Variants in FHIT observed in about 807,000 individuals in gnomAD.
FHIT encodes bis(5'-adenosyl)-triphosphatase.
A neutral mutation model predicts 17.9 loss-of-function variants in FHIT; 19 were observed. The observed-to-expected ratio is 1.06, with a 90% CI of 0.74 to 1.56. The LOEUF is 1.56. Among genes scored for constraint, FHIT ranks in the 40% most tolerant of loss-of-function variants. The probability of loss-of-function intolerance (pLI) is 0.00; values close to 1 mark genes in which losing one functional copy is unlikely to be tolerated. For missense variants in FHIT, 248 were observed against 189.2 expected (o/e 1.31, Z -1.82); for synonymous variants, 81 against 69.7 (o/e 1.16, Z -0.81).
At chr3:61,043,535 G>C (rs996222065) in intron 2 of FHIT, among the ~76,000 whole-genome samples, 2 of 152,212 alleles carry the variant, frequency 1.3e-5, no homozygotes, top group African/African-American at 4.8e-5. Context: ...TGCCTCTGTA[G>C]TCTCCACCTC....
chr3:60,509,724 A>G (rs2034873302), intron 5 of FHIT, among the ~76,000 whole-genome samples: 1 of 152,224 alleles, frequency 6.6e-6, no homozygotes, highest in African/African-American at 2.4e-5. Context: ...CTGTGGCTAC[A>G]CTTGCAATCC....
intron 5 of FHIT, among the ~76,000 whole-genome samples, chr3:60,433,794 T>G (rs137903661): frequency 6.6e-6 from 1 of 152,262 alleles, no homozygotes; most frequent in South Asian, 2.1e-4. Flanking sequence ...TATTGAGTTA[T>G]AGGAATTCCT....
chr3:60,596,548 G>T (rs2038276586), intron 4 of FHIT, among the ~76,000 whole-genome samples: 1 of 152,024 alleles, frequency 6.6e-6, no homozygotes, highest in Non-Finnish European at 1.5e-5. Flanking sequence ...CAAGATTGAG[G>T]CTCCCGTTTG....
At chr3:60,239,390 C>A (rs1187667312) in intron 5 of FHIT, among the ~76,000 whole-genome samples, 1 of 152,004 alleles carries the variant, frequency 6.6e-6, no homozygotes, top group Admixed American at 6.6e-5. Context: ...CATAGGGGGA[C>A]CCCAGTCTTT....
At chr3:60,537,056 T>C (rs2036010790) in intron 4 of FHIT, 77 bp from the exon 5 acceptor site, 1 of 1,183,056 alleles carries the variant, frequency 8.5e-7, no homozygotes, top group Non-Finnish European at 1.2e-6. Context: ...AGAAAGCAAA[T>C]TCCATTACTA....
intron 5 of FHIT, among the ~76,000 whole-genome samples, chr3:60,189,755 T>C (rs1448447114): frequency 1.3e-5 from 2 of 152,244 alleles, no homozygotes; most frequent in Admixed American, 1.3e-4. Context: ...CGTTTTTTCA[T>C]TTCAAAAGAG....
intron 5 of FHIT, among the ~76,000 whole-genome samples, chr3:60,532,586 C>T (rs1372685667): frequency 2.6e-5 from 4 of 152,142 alleles, no homozygotes; most frequent in Non-Finnish European, 4.4e-5. Context: ...TTTCCAGTAA[C>T]AAGAAATTAA....
chr3:60,341,147 C>A (rs1710498180), intron 5 of FHIT, among the ~76,000 whole-genome samples: 1 of 152,076 alleles, frequency 6.6e-6, no homozygotes, highest in Non-Finnish European at 1.5e-5. Flanking sequence ...ATGAGTATAT[C>A]CTTGAGTACA....
At chr3:60,875,911 GA>G (rs2107096021) in intron 3 of FHIT, among the ~76,000 whole-genome samples, 1 of 137,274 alleles carries the variant, frequency 7.3e-6, no homozygotes. Context: ...TTTAGCTAAG[GA>G]AAACTTATTC....
intron 8 of FHIT, among the ~76,000 whole-genome samples, chr3:59,902,974 C>T (rs969335873): frequency 1.3e-5 from 2 of 152,036 alleles, no homozygotes; most frequent in Non-Finnish European, 2.9e-5. Flanking sequence ...AAGGTAACTA[C>T]GTGAGGTAAA....
chr3:61,049,323 G>C (rs527529419), intron 2 of FHIT, among the ~76,000 whole-genome samples: 16 of 151,864 alleles, frequency 1.1e-4, no homozygotes, highest in African/African-American at 3.9e-4. Context: ...TATGTGAACT[G>C]TATATCAGAG....
chr3:60,163,399 A>T (rs77365290), intron 5 of FHIT, among the ~76,000 whole-genome samples: 2,152 of 152,200 alleles, frequency 0.014, 51 homozygotes, highest in African/African-American at 0.047. Flanking sequence ...CCCCTGGGAC[A>T]TATAAGGCCC....
At chr3:60,235,264 T>G (rs1704720567) in intron 5 of FHIT, among the ~76,000 whole-genome samples, 1 of 147,684 alleles carries the variant, frequency 6.8e-6, no homozygotes, top group Non-Finnish European at 1.5e-5. Context: ...AGAGTCTCAC[T>G]CTCTCACCCA....
At chr3:59,797,864 A>C (rs559681486) in intron 8 of FHIT, among the ~76,000 whole-genome samples, 3 of 152,310 alleles carry the variant, frequency 2.0e-5, no homozygotes, top group African/African-American at 7.2e-5. Context: ...TATTAACAGA[A>C]CTAATCATAG....
chr3:60,189,258 A>C (rs1163957765), intron 5 of FHIT, among the ~76,000 whole-genome samples: 1 of 152,096 alleles, frequency 6.6e-6, no homozygotes, highest in East Asian at 1.9e-4. Flanking sequence ...AAAGAGGAGA[A>C]AGAAAAGAAA....
chr3:59,808,570 C>T (rs373821075), intron 8 of FHIT, among the ~76,000 whole-genome samples: 5 of 152,318 alleles, frequency 3.3e-5, no homozygotes, highest in East Asian at 3.9e-4. Flanking sequence ...TCTGTTGACA[C>T]TTGCTTGCCA....
rs140479338 is a variant in FHIT at position 60,969,990 on chromosome 3, G to A, written c.-111+72057C>T. 1.9e-3 allele frequency among the ~76,000 whole-genome samples: 291 copies of A among 152,076 alleles called. 1 individual carries two copies. Among genetic ancestry groups the A allele is most frequent in the Middle Eastern group, 0.017 (5 of 294 alleles). ...AGTGATCCTCCCACCTCAGCCTTCT[G>A]AATTTTTTGGTTTTGTAGAGATGGG... On this transcript the variant is annotated intron_variant, in intron 3 of 9. Coordinates refer to ENST00000492590, the MANE Select transcript of FHIT (RefSeq NM_002012.4).
chr3:60,395,800 A>T (rs548358525), intron 5 of FHIT, among the ~76,000 whole-genome samples: 1 of 152,322 alleles, frequency 6.6e-6, no homozygotes, highest in South Asian at 2.1e-4. Context: ...TGGATACCAG[A>T]ATTCTGATTT....
At chr3:60,844,507 T>C (rs2106880786) in intron 3 of FHIT, among the ~76,000 whole-genome samples, 1 of 152,236 alleles carries the variant, frequency 6.6e-6, no homozygotes, top group African/African-American at 2.4e-5. Context: ...ATTTTCTATT[T>C]TTTTAAAAAA....
Sources: gnomAD v4.1 joint callset for allele counts (sites outside exome capture counted in the v4.1 genomes callset) on GRCh38, gnomAD v4.1.1 for gene constraint, MANE v1.5 for transcripts, NCBI Gene and HGNC (gene_info 2026-07-23, HGNC 2026-07-21) for gene names.